BABAM2: variants seen among roughly 807,000 people sequenced by gnomAD.
BABAM2 encodes BRISC and BRCA1 A complex member 2, also known as BRISC and BRCA1-A complex member 2.
In BABAM2, 31 loss-of-function variants were observed where a neutral mutation model predicts 54.7. That is an observed-to-expected ratio of 0.57 (90% confidence interval 0.43 to 0.77). The LOEUF (loss-of-function observed/expected upper bound fraction) is 0.77, where lower values mean the gene tolerates loss of function less well. BABAM2 is among the 30% of genes least tolerant of loss of function. The pLI is 0.00. For missense variants in BABAM2, 364 were observed against 455.8 expected (o/e 0.80, Z 1.83); for synonymous variants, 167 against 162.9 (o/e 1.03, Z -0.19).
At chr2:28,013,730 C>CACACGT (rs1553411799) in intron 4 of BABAM2, among the ~76,000 whole-genome samples, 9 of 136,892 alleles carry the variant, frequency 6.6e-5, no homozygotes, top group Non-Finnish European at 1.1e-4. Flanking sequence ...CACACACACA[C>CACACGT]GTGTGTGTGT....
In BABAM2 at chr2:27,929,886, A is replaced by G; in HGVS notation, c.183A>G (p.Pro61=). Residue 61 remains proline (P), a synonymous_variant, in exon 3 of 12, where the codon CCA becomes CCG. Transcript: ENST00000379624. ...GTGACCGATTTAAACTGCACATACCATATGCTGGAGAGACATTAAAGTGTA... is the reference window on the plus strand; with the variant it reads ...GTGACCGATTTAAACTGCACATACCGTATGCTGGAGAGACATTAAAGTGTA... ...PNCDRFKLHI[P]YAGETLKWDI... 1 of 1,613,116 alleles carries G rather than the reference A, an allele frequency of 6.2e-7. No individual in the cohort carries two copies. Among genetic ancestry groups the G allele is most frequent in the Non-Finnish European group, 8.5e-7 (1 of 1,179,090 alleles).
At chr2:28,194,228 A>T (rs984915693) in intron 7 of BABAM2, among the ~76,000 whole-genome samples, 2 of 152,032 alleles carry the variant, frequency 1.3e-5, no homozygotes, top group Non-Finnish European at 2.9e-5. Context: ...CCACGGTGAG[A>T]GCTGCAGGGA....
Position 28,131,377 on chromosome 2 carries a change from G to A in BABAM2, c.680+1997G>A, listed in dbSNP as rs1363262131. On this transcript the variant is annotated intron_variant, in intron 7 of 11. Coordinates refer to ENST00000379624, the MANE Select transcript of BABAM2 (RefSeq NM_199191.3). ...ATTACAGGCGTGAGCCACCGCGCCCGGCCTATTATTTTTTAATTGAAAATA... is the reference window on the plus strand; with the variant it reads ...ATTACAGGCGTGAGCCACCGCGCCCAGCCTATTATTTTTTAATTGAAAATA... Among the ~76,000 whole-genome samples, 10 of 133,698 alleles carry A rather than the reference G, an allele frequency of 7.5e-5. 1 individual carries two copies. Among genetic ancestry groups the A allele is most frequent in the African/African-American group, 2.9e-4 (10 of 34,852 alleles). 87.7% of individuals were successfully genotyped at this position (133,698 alleles called of 152,430 possible).
At chr2:28,013,628 A>C (rs1207999524) in intron 4 of BABAM2, among the ~76,000 whole-genome samples, 1 of 142,140 alleles carries the variant, frequency 7.0e-6, no homozygotes, top group African/African-American at 2.6e-5. Context: ...CATTGGTTGT[A>C]AGCCAGGGAA....
intron 1 of BABAM2, 135 bp from the exon 2 acceptor site, chr2:27,894,398 A>G: frequency 1.2e-6 from 1 of 839,956 alleles, no homozygotes; most frequent in Non-Finnish European, 1.9e-6. Context: ...TCATTGGAAG[A>G]GGCTGCGCTA....
chr2:28,213,023 G>A (rs977316789), intron 7 of BABAM2, among the ~76,000 whole-genome samples: 3 of 152,060 alleles, frequency 2.0e-5, no homozygotes, highest in African/African-American at 7.2e-5. Context: ...AGGAGTTTGA[G>A]ACCAGCCTGG....
chr2:28,246,771 G>A (rs1019827363), intron 10 of BABAM2, among the ~76,000 whole-genome samples: 5 of 152,148 alleles, frequency 3.3e-5, no homozygotes, highest in Non-Finnish European at 2.9e-5. Flanking sequence ...TTTTCCACAT[G>A]CAACTCAAAG....
At position 28,242,543 on chromosome 2, in the gene BABAM2, GTCTGATGA is replaced by G. The variant is rs545412776; in HGVS notation, c.851+1152_851+1159del. Among the ~76,000 whole-genome samples the G allele has an allele frequency of 5.6e-4, 86 of 152,232 alleles. 1 individual carries two copies. The highest frequency in any genetic ancestry group is 1.3e-3 in the African/African-American group (53 of 41,550). ...TAACGAGGCACTAAGGATTTTAGAG[GTCTGATGA>G]TAGCCCACCTTATTCCACAGAAGGC... On this transcript the variant is annotated intron_variant, in intron 9 of 11. Transcript: ENST00000379624.
rs1340622427 is a variant in BABAM2, at chr2:27,995,133, C to T, written c.300+7046C>T. The stretch of plus-strand genomic sequence containing the variant: ...TTGGAGAGGGTGTGGCTGCAGGCTA[C>T]GGGAAGATGAAGACCTTCACTGGGG... On this transcript the variant is annotated intron_variant, in intron 4 of 11. Coordinates refer to ENST00000379624, the MANE Select transcript of BABAM2 (RefSeq NM_199191.3). This position sits in a 1 kb window ranked among gnomAD's most constrained non-coding sequence, Gnocchi z 4.1. Among the ~76,000 whole-genome samples, 5 of 152,088 alleles carry T rather than the reference C, an allele frequency of 3.3e-5. No homozygotes were observed. The highest frequency in any genetic ancestry group is 7.4e-5 in the Non-Finnish European group (5 of 68,022).
intron 5 of BABAM2, among the ~76,000 whole-genome samples, chr2:28,038,331 C>G (rs770648046): frequency 6.6e-6 from 1 of 152,184 alleles, no homozygotes; most frequent in Admixed American, 6.5e-5. Flanking sequence ...AATTTGCTCT[C>G]AGAGCACTGT....
intron 10 of BABAM2, among the ~76,000 whole-genome samples, chr2:28,264,984 T>G (rs75637535): frequency 0.01 from 1,573 of 152,328 alleles, 18 homozygotes; most frequent in African/African-American, 0.036. Flanking sequence ...GACTTAACTT[T>G]GCTACTCAGA....
At position 28,146,275 on chromosome 2, in the gene BABAM2, C is replaced by G. The variant is rs73922244; in HGVS notation, c.680+16895C>G. Among the ~76,000 whole-genome samples, 621 of 152,304 alleles carry G rather than the reference C, an allele frequency of 4.1e-3. 5 individuals carry two copies. Among genetic ancestry groups the G allele is most frequent in the African/African-American group, 0.014 (580 of 41,566 alleles). On this transcript the variant is annotated intron_variant, in intron 7 of 11. Transcript: ENST00000379624. ...GATGATATTCTTTGAAGTCAGCAGA[C>G]TATTCTTAAGCTCACTTGTTGAAGT... is the stretch of plus-strand genomic sequence containing the variant.
chr2:28,265,312 A>G (rs1168859276), intron 10 of BABAM2, among the ~76,000 whole-genome samples: 1 of 152,184 alleles, frequency 6.6e-6, no homozygotes, highest in Non-Finnish European at 1.5e-5. Context: ...CTGTAATCCC[A>G]GCTACTCAGG....
chr2:28,302,680 C>G (rs899849293), intron 11 of BABAM2, among the ~76,000 whole-genome samples: 2 of 152,106 alleles, frequency 1.3e-5, no homozygotes, highest in African/African-American at 2.4e-5. Flanking sequence ...AAAGTGGTAT[C>G]GGTTTACCCT....
In BABAM2 at chr2:28,241,346, T is replaced by C. The variant is rs144070701; in HGVS notation, c.804T>C (p.Tyr268=). 125 of 1,614,122 alleles carry C rather than the reference T, an allele frequency of 7.7e-5. No homozygotes were observed. The highest frequency in any genetic ancestry group is 5.6e-4 in the African/African-American group (42 of 75,044). The part of the protein sequence containing the change: ...TNKVQYVIQG[Y]HKRREYIAAF... ...AGGTGCAGTACGTGATTCAAGGGTATCACAAAAGAAGAGAGTATATTGCTG... is the reference window on the plus strand; with the variant it reads ...AGGTGCAGTACGTGATTCAAGGGTACCACAAAAGAAGAGAGTATATTGCTG... The change falls in exon 9 of 12, where the codon TAT becomes TAC. Residue 268 remains tyrosine, a synonymous_variant. Coordinates refer to ENST00000379624, the MANE Select transcript of BABAM2 (RefSeq NM_199191.3).
intron 7 of BABAM2, among the ~76,000 whole-genome samples, chr2:28,211,321 TAGTC>T (rs2147987611): frequency 6.6e-6 from 1 of 151,990 alleles, no homozygotes; most frequent in African/African-American, 2.4e-5. Context: ...GGACCGCAGA[TAGTC>T]ATTCTTAGTA....
chr2:27,955,895 A>T (rs1255500456), intron 3 of BABAM2, among the ~76,000 whole-genome samples: 2 of 152,128 alleles, frequency 1.3e-5, no homozygotes, highest in Non-Finnish European at 2.9e-5. Flanking sequence ...TTCTCATTCC[A>T]TAATGGGTGA....
In BABAM2 at chr2:28,026,947, T is replaced by TAAA. The variant is rs1491152158; in HGVS notation, c.495+1527_495+1528insAAA. 7.8e-3 allele frequency among the ~76,000 whole-genome samples: 35 copies of TAAA among 4,514 alleles called. 1 individual carries two copies. The highest frequency in any genetic ancestry group is 0.021 in the Non-Finnish European group (10 of 476). 3.0% of individuals were successfully genotyped at this position (4,514 alleles called of 152,430 possible). A position where few individuals can be genotyped will look rare whatever the true frequency, so the allele number is the denominator to read the frequency against. On this transcript the variant is annotated intron_variant, in intron 5 of 11. Transcript: ENST00000379624. Reference sequence around the variant, plus strand: ...ATATAAATATATATATAAATATATATTAATATATATAAATATATATATAAA... The same window carrying TAAA: ...ATATAAATATATATATAAATATATATAAATAATATATATAAATATATATATAAA...
chr2:28,106,971 A>T (rs1667579929), intron 6 of BABAM2, among the ~76,000 whole-genome samples: 1 of 152,162 alleles, frequency 6.6e-6, no homozygotes, highest in Admixed American at 6.5e-5. Flanking sequence ...CACTGGGTTC[A>T]TTCTGTTTTT....
Sources: gnomAD v4.1 joint callset for allele counts (sites outside exome capture counted in the v4.1 genomes callset) on GRCh38, gnomAD v4.1.1 for gene constraint, Gnocchi (gnomAD v3.1) non-coding constraint, MANE v1.5 for transcripts, NCBI Gene and HGNC (gene_info 2026-07-23, HGNC 2026-07-21) for gene names.